The following CNIH3 variants were observed in gnomAD, a reference collection of about 807,000 sequenced individuals.
The protein encoded by CNIH3 is protein cornichon homolog 3.
CNIH3 carries 14 observed loss-of-function variants against 24.1 expected under a neutral mutation model. The ratio of observed to expected loss-of-function variants is 0.58; its 90% CI spans 0.38 to 0.91. The LOEUF is 0.91. Ranked by LOEUF, CNIH3 falls within the 40% of genes least tolerant of loss-of-function variation. The pLI is 0.00. For synonymous variants in CNIH3, 68 were observed against 73.8 expected (o/e 0.92, Z 0.40); for missense variants, 178 against 196.8 (o/e 0.90, Z 0.57).
At chr1:224,624,813 T>C (rs1683441091) in intron 1 of CNIH3, among the ~76,000 whole-genome samples, 1 of 152,250 alleles carries the variant, frequency 6.6e-6, no homozygotes, top group Non-Finnish European at 1.5e-5. Flanking sequence ...CCCGGTTAAC[T>C]GTTTAGCCAC....
intron 3 of CNIH3, among the ~76,000 whole-genome samples, chr1:224,725,911 A>G (rs974117672): frequency 6.6e-6 from 1 of 152,266 alleles, no homozygotes; most frequent in South Asian, 2.1e-4. Context: ...AAAATAAGAC[A>G]GGACTTGGCA....
Position 224,440,840 on chromosome 1 carries a change from G to A in CNIH3, n.203+5978G>A, listed in dbSNP as rs1235472488. ...TAAGTTTTTTTTTTTTTTTTGAGACGGAGTCTCGCTCTGTCACCCAGGCTG... is the reference window on the plus strand; with the variant it reads ...TAAGTTTTTTTTTTTTTTTTGAGACAGAGTCTCGCTCTGTCACCCAGGCTG... On this transcript the variant is annotated intron_variant and non_coding_transcript_variant, in intron 1 of 5. Transcript: ENST00000471578. 8.8e-5 allele frequency among the ~76,000 whole-genome samples: 13 copies of A among 148,078 alleles called. 1 individual carries two copies. In the East Asian group the frequency reaches 1.8e-3, roughly 20 times the overall value.
chr1:224,690,497 G>A lies in CNIH3; in HGVS notation c.198+5654G>A, dbSNP rs564979521. ...ATTACAAGCGTGATTACAGGCACCC[G>A]GCCCCTTAGATCACATTAGACAAGT... On this transcript the variant is annotated intron_variant, in intron 3 of 5. Transcript: ENST00000272133. Among the ~76,000 whole-genome samples the A allele has an allele frequency of 1.8e-4, 28 of 152,248 alleles. 1 individual carries two copies. The highest frequency in any genetic ancestry group is 6.2e-4 in the South Asian group (3 of 4,818).
chr1:224,628,503 C>T (rs906904796), intron 1 of CNIH3, among the ~76,000 whole-genome samples: 1 of 152,070 alleles, frequency 6.6e-6, no homozygotes, highest in East Asian at 2.0e-4. Flanking sequence ...TGATCTACTT[C>T]TAGACACCAC....
chr1:224,536,040 G>A (rs531591634), intron 2 of CNIH3, among the ~76,000 whole-genome samples: 1 of 152,154 alleles, frequency 6.6e-6, no homozygotes, highest in Non-Finnish European at 1.5e-5. Context: ...TGTAAAAGTC[G>A]GCCTCCCTGG....
At chr1:224,514,791 C>T (rs1678311838), upstream of CNIH3, among the ~76,000 whole-genome samples, 1 of 152,190 alleles carries the variant, frequency 6.6e-6, no homozygotes, top group Admixed American at 6.5e-5. Flanking sequence ...GTGGTCATGC[C>T]ACCGCATTCC....
intron 1 of CNIH3, among the ~76,000 whole-genome samples, chr1:224,669,431 C>A (rs1230719873): frequency 1.3e-5 from 2 of 152,188 alleles, no homozygotes; most frequent in African/African-American, 4.8e-5. Context: ...TCTGTCCTGG[C>A]AACTCTAAGT....
intron 1 of CNIH3, among the ~76,000 whole-genome samples, chr1:224,635,470 C>G (rs1206080594): frequency 6.6e-6 from 1 of 152,302 alleles, no homozygotes; most frequent in East Asian, 1.9e-4. Flanking sequence ...TTAAAATCAA[C>G]AGAGAAATGA....
chr1:224,650,800 G>A (rs192439776), intron 1 of CNIH3, among the ~76,000 whole-genome samples: 1 of 152,276 alleles, frequency 6.6e-6, no homozygotes. Flanking sequence ...GATGACAGGG[G>A]AGAAGACTCC....
chr1:224,505,274 G>A (rs1198096173), intron 1 of CNIH3, among the ~76,000 whole-genome samples: 1 of 150,222 alleles, frequency 6.7e-6, no homozygotes, highest in African/African-American at 2.5e-5. Context: ...ACTGTAGCCG[G>A]GGTGACAAAG....
chr1:224,698,842 CT>C, intron 3 of CNIH3, among the ~76,000 whole-genome samples: 1 of 152,070 alleles, frequency 6.6e-6, no homozygotes, highest in South Asian at 2.1e-4. Context: ...GCCAGTAATG[CT>C]TTGCTGATGG....
intron 1 of CNIH3, chr1:224,435,002 G>T (rs1674582727): frequency 3.0e-6 from 3 of 985,534 alleles, no homozygotes; most frequent in Non-Finnish European, 3.6e-6. Context: ...CCTATCCCCG[G>T]CCCCGCTCGG....
At chr1:224,434,808 C>T (rs1290413143) in exon 1 of CNIH3, 10 of 986,232 alleles carry the variant, frequency 1.0e-5, no homozygotes, top group Non-Finnish European at 1.2e-5. Flanking sequence ...GGAGTCCAGG[C>T]GCTCGCGTCA....
chr1:224,638,745 C>T (rs952497047), intron 1 of CNIH3, among the ~76,000 whole-genome samples: 8 of 152,244 alleles, frequency 5.3e-5, no homozygotes, highest in African/African-American at 1.9e-4. Context: ...ATCTCTCCAA[C>T]ATTCCATGAT....
chr1:224,450,008 A>G (rs575438739), intron 1 of CNIH3, among the ~76,000 whole-genome samples: 1 of 151,746 alleles, frequency 6.6e-6, no homozygotes, highest in Non-Finnish European at 1.5e-5. Context: ...ATACACGCAC[A>G]CACACACACA....
rs898714905 is a variant in CNIH3, at chr1:224,684,933, C to T, written c.198+90C>T. ...AGAGGCTAGTGAGGCTCTGCCTGCT[C>T]CAGTCCTGTCCACCAGGGAGGCAAA... On this transcript the variant is annotated intron_variant, in intron 3 of 5. Coordinates refer to ENST00000272133, the MANE Select transcript of CNIH3 (RefSeq NM_152495.2). This position sits in a 1 kb window ranked among gnomAD's most constrained non-coding sequence, Gnocchi z 4.2. 6.5e-6 allele frequency: 8 copies of T among 1,230,522 alleles called. No homozygotes were observed. Among genetic ancestry groups the T allele is most frequent in the Admixed American group, 1.7e-5 (1 of 59,426 alleles). 76.2% of individuals were successfully genotyped at this position (1,230,522 alleles called of 1,614,324 possible).
chr1:224,503,099 G>A (rs890351480), intron 1 of CNIH3, among the ~76,000 whole-genome samples: 5 of 152,146 alleles, frequency 3.3e-5, no homozygotes, highest in African/African-American at 1.2e-4. Context: ...ACTTCTGCAC[G>A]GATGAAGTCA....
chr1:224,466,626 C>A (rs1676162609), intron 1 of CNIH3, among the ~76,000 whole-genome samples: 1 of 152,108 alleles, frequency 6.6e-6, no homozygotes. Flanking sequence ...CCCAAGGGTG[C>A]AATTGCTGGG....
At chr1:224,639,671 C>T (rs74146217) in intron 1 of CNIH3, among the ~76,000 whole-genome samples, 1,997 of 152,208 alleles carry the variant, frequency 0.013, 38 homozygotes, top group African/African-American at 0.046. Context: ...AGGTAGACCT[C>T]AGATAAGGGG....
Sources: gnomAD v4.1 joint callset for allele counts (sites outside exome capture counted in the v4.1 genomes callset) on GRCh38, gnomAD v4.1.1 for gene constraint, Gnocchi (gnomAD v3.1) non-coding constraint, MANE v1.5 for transcripts, NCBI Gene and HGNC (gene_info 2026-07-23, HGNC 2026-07-21) for gene names.